The following SASH1 variants were observed in gnomAD, a reference collection of about 807,000 sequenced individuals.
The protein encoded by SASH1 is SAM and SH3 domain-containing protein 1.
SASH1 carries 44 observed loss-of-function variants against 125.2 expected under a neutral mutation model. The ratio of observed to expected loss-of-function variants is 0.35; its 90% CI spans 0.28 to 0.45. The LOEUF (loss-of-function observed/expected upper bound fraction) is 0.45, where lower values mean the gene tolerates loss of function less well. Ranked by LOEUF, SASH1 falls within the 20% of genes least tolerant of loss-of-function variation. The pLI is 1.00. For missense variants in SASH1, 1,426 were observed against 1,614.5 expected (o/e 0.88, Z 2.00); for synonymous variants, 639 against 649.1 (o/e 0.98, Z 0.24).
intron 7 of SASH1, among the ~76,000 whole-genome samples, chr6:148,481,816 G>A (rs1258818308): frequency 6.6e-6 from 1 of 152,170 alleles, no homozygotes; most frequent in Non-Finnish European, 1.5e-5. Flanking sequence ...TTGAAATACT[G>A]TAGGAATTGC....
intron 2 of SASH1, among the ~76,000 whole-genome samples, chr6:148,414,466 G>C (rs1050054852): frequency 1.3e-5 from 2 of 152,096 alleles, no homozygotes; most frequent in African/African-American, 4.8e-5. Context: ...CTGAGCTTCA[G>C]GTTCTCTTTC....
chr6:148,548,546 T>G lies in SASH1; in HGVS notation c.3732T>G (p.Pro1244=). ...GACTCTTCAAACTGCCGCCAGGCCC[T>G]GAGGCCATGTAGCCAGGCCCGGAAT... The part of the protein sequence containing the change: ...AARLFKLPPG[P]EAM Residue 1244 remains proline (P), a synonymous_variant, in exon 20 of 20, where the codon CCT becomes CCG. Coordinates refer to ENST00000367467, the MANE Select transcript of SASH1 (RefSeq NM_015278.5). The G allele has an allele frequency of 6.2e-7, 1 of 1,604,706 alleles. No individual in the cohort carries two copies. Among genetic ancestry groups the G allele is most frequent in the Non-Finnish European group, 8.5e-7 (1 of 1,175,370 alleles).
rs748065678 is a variant in SASH1, at chr6:148,379,005, C to T, written c.157-11129C>T. ...ACAAGGCACTATCAATTCACAGGTG[C>T]CAACTGTATGTTCTGTTGAGAGGTT... On this transcript the variant is annotated intron_variant, in intron 1 of 19. Transcript: ENST00000367467. 1.8e-4 allele frequency among the ~76,000 whole-genome samples: 28 copies of T among 152,286 alleles called. 1 individual carries two copies. The highest frequency in any genetic ancestry group is 3.1e-4 in the Non-Finnish European group (21 of 68,026).
intron 8 of SASH1, among the ~76,000 whole-genome samples, chr6:148,503,703 C>T (rs990597868): frequency 6.7e-6 from 1 of 149,398 alleles, no homozygotes; most frequent in Non-Finnish European, 1.5e-5. Flanking sequence ...GATTTGGGGA[C>T]ACTGATAGTG....
chr6:148,337,309 C>T (rs567609099), intron 1 of SASH1, among the ~76,000 whole-genome samples: 74 of 151,862 alleles, frequency 4.9e-4, no homozygotes, highest in African/African-American at 1.5e-3. Context: ...CTGCAAGCTC[C>T]GCCTCCCAGG....
At position 148,533,986 on chromosome 6, in the gene SASH1, T is replaced by C; in HGVS notation, c.1944+6T>C. On this transcript the variant is annotated splice_donor_region_variant and intron_variant, in intron 15 of 19. Transcript: ENST00000367467. This position sits in a 1 kb window ranked among gnomAD's most constrained non-coding sequence, Gnocchi z 6.2. ...TGGATCGGATTAACCTAAAAGTCAG[T>C]CGCTTCTGATTCTTGTCACACGCTA... 1.2e-6 allele frequency: 2 copies of C among 1,613,190 alleles called. No individual in the cohort carries two copies. Among genetic ancestry groups the C allele is most frequent in the Non-Finnish European group, 1.7e-6 (2 of 1,179,218 alleles).
chr6:148,284,631 A>G (rs1779435533), intron 1 of SASH1, among the ~76,000 whole-genome samples: 2 of 152,240 alleles, frequency 1.3e-5, no homozygotes, highest in African/African-American at 4.8e-5. Context: ...TTTTCCACTT[A>G]AAATATTATC....
the SASH1 span, among the ~76,000 whole-genome samples, chr6:148,227,678 T>A: frequency 6.6e-6 from 1 of 152,178 alleles, no homozygotes; most frequent in African/African-American, 2.4e-5. Flanking sequence ...ATTTATTGAA[T>A]AAATGACAAA....
Position 148,544,099 on chromosome 6 carries a change from A to T in SASH1, c.2629A>T (p.Thr877Ser). ...GCCACAGAAGACGACCGCCTCTTCC[A>T]CGAAGGCCCAGCCCCTGGAGCAAGA... ...EVPQKTTASS[T>S]KAQPLEQDSA... Residue 877 changes from threonine (T) to serine (S), a missense_variant, in exon 18 of 20, where the codon ACG becomes TCG. By Grantham distance (58) the Thr-to-Ser change is moderately conservative. Coordinates refer to ENST00000367467, the MANE Select transcript of SASH1 (RefSeq NM_015278.5). The surrounding 1 kb of genome is among the most constrained non-coding windows in gnomAD (Gnocchi z 6.4). 2 of 1,614,116 alleles carry T rather than the reference A, an allele frequency of 1.2e-6. No homozygotes were observed. Among genetic ancestry groups the T allele is most frequent in the Non-Finnish European group, 1.7e-6 (2 of 1,179,994 alleles).
At chr6:148,196,769 C>T in the SASH1 span, among the ~76,000 whole-genome samples, 1 of 152,124 alleles carries the variant, frequency 6.6e-6, no homozygotes, top group African/African-American at 2.4e-5. Context: ...GAGTGGCAGA[C>T]GGCATGGTTC....
intron 4 of SASH1, among the ~76,000 whole-genome samples, chr6:148,454,426 G>A (rs868142036): frequency 2.0e-5 from 3 of 152,202 alleles, no homozygotes; most frequent in East Asian, 3.8e-4. Context: ...AAGAGAATTC[G>A]GAGAAATGTA....
intron 1 of SASH1, among the ~76,000 whole-genome samples, chr6:148,345,170 G>T (rs1781482623): frequency 6.6e-6 from 1 of 152,158 alleles, no homozygotes; most frequent in South Asian, 2.1e-4. Context: ...GCGTTGGGCT[G>T]GGGGCGGGGA....
chr6:148,330,986 A>C, intron 1 of SASH1, among the ~76,000 whole-genome samples: 1 of 152,010 alleles, frequency 6.6e-6, no homozygotes, highest in East Asian at 1.9e-4. Flanking sequence ...TCTTCTCCTA[A>C]GTGTCGGGTG....
At chr6:148,247,999 G>A in the SASH1 span, among the ~76,000 whole-genome samples, 4 of 152,150 alleles carry the variant, frequency 2.6e-5, no homozygotes, top group South Asian at 6.2e-4. Flanking sequence ...TATTTATGAT[G>A]TACTGCATTA....
At chr6:148,513,657 T>C (rs893111514) in intron 8 of SASH1, 11 of 985,634 alleles carry the variant, frequency 1.1e-5, no homozygotes, top group Middle Eastern at 1.0e-3. Flanking sequence ...ATATGGACTG[T>C]ACTGTATGGC....
At chr6:148,508,957 C>T (rs1779963994) in intron 8 of SASH1, 1 of 670,874 alleles carries the variant, frequency 1.5e-6, no homozygotes, top group African/African-American at 1.8e-5. Flanking sequence ...CTGCTCCTGC[C>T]TATGATGTTT....
intron 5 of SASH1, among the ~76,000 whole-genome samples, chr6:148,471,178 G>T (rs1001345097): frequency 6.6e-6 from 1 of 150,954 alleles, no homozygotes; most frequent in African/African-American, 2.4e-5. Flanking sequence ...TGATGTTTCC[G>T]TTTCTCCTCT....
intron 1 of SASH1, among the ~76,000 whole-genome samples, chr6:148,344,761 T>C (rs1190893245): frequency 6.1e-4 from 92 of 149,766 alleles, no homozygotes; most frequent in South Asian, 1.5e-3. Flanking sequence ...TTTTCTTTTT[T>C]TTTTTTTTTT....
the SASH1 span, among the ~76,000 whole-genome samples, chr6:148,217,626 A>G: frequency 2.0e-5 from 3 of 152,118 alleles, no homozygotes; most frequent in Admixed American, 6.6e-5. Flanking sequence ...TGTATCCCTC[A>G]GGAAACAGCC....
Sources: allele counts gnomAD v4.1 joint callset (sites outside exome capture counted in the v4.1 genomes callset), GRCh38; gene constraint gnomAD v4.1.1; non-coding constraint Gnocchi (gnomAD v3.1); transcripts MANE v1.5; gene names NCBI Gene and HGNC (gene_info 2026-07-23, HGNC 2026-07-21).